Variants in CLDN16 observed in about 807,000 individuals in gnomAD.
CLDN16 encodes the protein claudin-16.
A neutral mutation model predicts 24.6 loss-of-function variants in CLDN16; 13 were observed. The observed-to-expected ratio is 0.53, with a 90% CI of 0.34 to 0.84. CLDN16 has a LOEUF of 0.84. CLDN16 is among the 40% of genes least tolerant of loss of function. CLDN16 has a pLI of 0.01. For missense variants in CLDN16, 298 were observed against 292.7 expected, an observed-to-expected ratio of 1.02 and a Z score of -0.13; for synonymous variants, 116 against 106.7, an observed-to-expected ratio of 1.09 and a Z score of -0.54.
the CLDN16 span, among the ~76,000 whole-genome samples, chr3:190,317,226 C>A: frequency 6.6e-6 from 1 of 152,040 alleles, no homozygotes; most frequent in Non-Finnish European, 1.5e-5. Flanking sequence ...AATATTATGA[C>A]CACTGACTAA....
upstream of CLDN16, among the ~76,000 whole-genome samples, chr3:190,385,672 T>A (rs547781622): frequency 7.4e-4 from 113 of 152,156 alleles, no homozygotes; most frequent in Non-Finnish European, 1.4e-3. Context: ...TGGTCTTTAT[T>A]TCTTTCCATT....
intron 3 of CLDN16, among the ~76,000 whole-genome samples, chr3:190,376,544 C>T (rs1400527681): frequency 6.6e-6 from 1 of 151,728 alleles, no homozygotes; most frequent in East Asian, 1.9e-4. Flanking sequence ...GTAATTTTAA[C>T]CAAAAGAGTC....
At chr3:190,334,868 A>G (rs1037623692) in intron 1 of CLDN16, among the ~76,000 whole-genome samples, 1 of 152,192 alleles carries the variant, frequency 6.6e-6, no homozygotes, top group Non-Finnish European at 1.5e-5. Flanking sequence ...TGGTTGACCT[A>G]TGCAATGGTG....
intron 1 of CLDN16, among the ~76,000 whole-genome samples, chr3:190,332,000 T>G (rs938003550): frequency 1.6e-4 from 24 of 152,282 alleles, no homozygotes; most frequent in Admixed American, 1.4e-3. Context: ...TCTGGTTCAC[T>G]CTCTTTACCT....
upstream of CLDN16, among the ~76,000 whole-genome samples, chr3:190,317,938 T>C (rs11714251): frequency 6.6e-6 from 1 of 152,248 alleles, no homozygotes. Flanking sequence ...ATTAAGTGAA[T>C]AAATGAACTG....
chr3:190,309,747 T>C, the CLDN16 span, among the ~76,000 whole-genome samples: 4 of 152,232 alleles, frequency 2.6e-5, no homozygotes, highest in Non-Finnish European at 5.9e-5. Context: ...GAATGAAGTA[T>C]TATTCATTAA....
At chr3:190,370,212 G>A (rs894813447) in intron 1 of CLDN16, among the ~76,000 whole-genome samples, 1 of 151,928 alleles carries the variant, frequency 6.6e-6, no homozygotes, top group Non-Finnish European at 1.5e-5. Context: ...AAGTCTCTAA[G>A]ATTGGATTGA....
At position 190,408,308 on chromosome 3, in the gene CLDN16, T is replaced by C; in HGVS notation, c.383-6T>C. ...TATTATTTGTAGCATCCTCCCTTTCTTTCAGGTACCCCAGGAATCATTGGC... is the reference window on the plus strand; with the variant it reads ...TATTATTTGTAGCATCCTCCCTTTCCTTCAGGTACCCCAGGAATCATTGGC... On this transcript the variant is annotated splice_polypyrimidine_tract_variant and splice_region_variant and intron_variant, in intron 3 of 4. Coordinates refer to ENST00000264734, the MANE Select transcript of CLDN16 (RefSeq NM_006580.4). 6.2e-7 allele frequency: 1 copy of C among 1,613,538 alleles called. No homozygotes were observed. The highest frequency in any genetic ancestry group is 8.5e-7 in the Non-Finnish European group (1 of 1,179,448).
At chr3:190,337,629 A>G (rs76344822) in intron 1 of CLDN16, among the ~76,000 whole-genome samples, 10,739 of 152,264 alleles carry the variant, frequency 0.071, 566 homozygotes, top group African/African-American at 0.14. Context: ...TTCTTTGACA[A>G]AACCAGCCAG....
At chr3:190,388,033 G>A (rs1718548606), upstream of CLDN16, 20 of 1,286,654 alleles carry the variant, frequency 1.6e-5, no homozygotes, top group East Asian at 2.4e-5. Context: ...GTCAGAAAAC[G>A]TTACAGAACT....
chr3:190,307,146 A>G, the CLDN16 span: 3 of 152,790 alleles, frequency 2.0e-5, no homozygotes, highest in South Asian at 2.1e-4. Flanking sequence ...GGCAGATAGA[A>G]AAAAGAGGTA....
intron 1 of CLDN16, among the ~76,000 whole-genome samples, chr3:190,364,238 A>G (rs1205666319): frequency 6.6e-6 from 1 of 151,426 alleles, no homozygotes; most frequent in Non-Finnish European, 1.5e-5. Context: ...TGGGCCAGAT[A>G]ATAGGACACC....
At chr3:190,366,921 C>A (rs1718037113) in intron 1 of CLDN16, among the ~76,000 whole-genome samples, 1 of 151,864 alleles carries the variant, frequency 6.6e-6, no homozygotes, top group South Asian at 2.1e-4. Flanking sequence ...ATAATATGAG[C>A]TGAGACCTCC....
the CLDN16 span, among the ~76,000 whole-genome samples, chr3:190,313,944 A>C: frequency 6.6e-6 from 1 of 152,196 alleles, no homozygotes; most frequent in African/African-American, 2.4e-5. Context: ...AACTGAAACT[A>C]TGCTGGTTAG....
intron 1 of CLDN16, among the ~76,000 whole-genome samples, chr3:190,364,253 T>C (rs1577410680): frequency 6.6e-6 from 1 of 151,594 alleles, no homozygotes; most frequent in Non-Finnish European, 1.5e-5. Context: ...GACACCCACA[T>C]GTGAATATAG....
At chr3:190,383,429 C>A (rs1240798969), upstream of CLDN16, among the ~76,000 whole-genome samples, 1 of 152,044 alleles carries the variant, frequency 6.6e-6, no homozygotes, top group African/African-American at 2.4e-5. Flanking sequence ...ATCTAAGGAA[C>A]AAAAGTTCTA....
At position 190,402,428 on chromosome 3, in the gene CLDN16, C is replaced by T. The variant is rs765256758; in HGVS notation, c.206C>T (p.Ala69Val). The stretch of plus-strand genomic sequence containing the variant: ...TGTGATGAGTACGATTCCATACTTG[C>T]GGAGCATCCCTGTACGTATGCCTTA... ...RTCDEYDSIL[A>V]EHPLKLVVTR... is the part of the protein sequence containing the mutation. Residue 69 changes from alanine to valine, a missense_variant, in exon 2 of 5, where the codon GCG becomes GTG. Ala to Val is a moderately conservative substitution (Grantham distance 64). Coordinates refer to ENST00000264734, the MANE Select transcript of CLDN16 (RefSeq NM_006580.4). 14 of 1,612,272 alleles carry T rather than the reference C, an allele frequency of 8.7e-6. No individual in the cohort carries two copies. Among genetic ancestry groups the T allele is most frequent in the Middle Eastern group, 1.6e-4 (1 of 6,082 alleles).
intron 1 of CLDN16, among the ~76,000 whole-genome samples, chr3:190,333,276 T>A (rs1717221580): frequency 6.6e-6 from 1 of 152,156 alleles, no homozygotes; most frequent in Admixed American, 6.5e-5. Context: ...TCCACAACTT[T>A]CAGATCAAGG....
chr3:190,347,763 A>C (rs1335840906), intron 1 of CLDN16, among the ~76,000 whole-genome samples: 1 of 152,176 alleles, frequency 6.6e-6, no homozygotes, highest in South Asian at 2.1e-4. Context: ...TTGGAGGATG[A>C]AAGTAGGTTT....
Sources: gnomAD v4.1 joint callset for allele counts (sites outside exome capture counted in the v4.1 genomes callset) on GRCh38, gnomAD v4.1.1 for gene constraint, MANE v1.5 for transcripts, NCBI Gene and HGNC (gene_info 2026-07-23, HGNC 2026-07-21) for gene names.